Variants in FHIP1A observed in about 807,000 individuals in gnomAD.
FHIP1A encodes the protein FHF complex subunit HOOK interacting protein 1A.
A neutral mutation model predicts 88.6 loss-of-function variants in FHIP1A; 61 were observed. That is an observed-to-expected ratio of 0.69 (90% CI 0.56 to 0.85). The LOEUF (loss-of-function observed/expected upper bound fraction) is 0.85, where lower values mean the gene tolerates loss of function less well. Among genes scored for constraint, FHIP1A ranks in the 40% least tolerant of loss-of-function variants. The probability of loss-of-function intolerance (pLI) is 0.00; values close to 1 mark genes in which losing one functional copy is unlikely to be tolerated. For synonymous variants in FHIP1A, 478 were observed against 496.0 expected (o/e 0.96, Z 0.48); for missense variants, 1,154 against 1,273.5 (o/e 0.91, Z 1.43).
intron 2 of FHIP1A, among the ~76,000 whole-genome samples, chr4:151,461,583 C>G (rs562818758): frequency 1.3e-5 from 2 of 152,052 alleles, no homozygotes; most frequent in Admixed American, 1.3e-4. Flanking sequence ...ATCAAAACAT[C>G]GCTAGGTACC....
rs765714518 is a variant in FHIP1A, at chr4:151,663,072, G to A, written c.*318G>A. The A allele has an allele frequency of 2.4e-5, 5 of 208,872 alleles. No individual in the cohort carries two copies. Among genetic ancestry groups the A allele is most frequent in the East Asian group, 1.2e-4 (1 of 8,508 alleles). 12.9% of individuals were successfully genotyped at this position (208,872 alleles called of 1,614,324 possible). On this transcript the variant is annotated 3_prime_UTR_variant, in exon 14 of 14. Coordinates refer to ENST00000435205, the MANE Select transcript of FHIP1A (RefSeq NM_001109977.3). ...TTACTCTTCTTGCAGCTCAGATCAC[G>A]TCAAGCAGATATTGGGGTTCAGTGA...
At chr4:151,627,795 T>C (rs1163228999) in intron 7 of FHIP1A, among the ~76,000 whole-genome samples, 1 of 152,186 alleles carries the variant, frequency 6.6e-6, no homozygotes, top group East Asian at 1.9e-4. Context: ...GGATAAAGGA[T>C]AATTAAAAGT....
rs906707310 is a variant in FHIP1A at position 151,663,734 on chromosome 4, T to C, written c.*980T>C. 2 of 152,172 alleles carry C rather than the reference T, an allele frequency of 1.3e-5. No homozygotes were observed. The highest frequency in any genetic ancestry group is 4.8e-5 in the African/African-American group (2 of 41,442). 9.4% of individuals were successfully genotyped at this position (152,172 alleles called of 1,614,324 possible). ...AAAAACACTGATCATTATTTAAAATTCTATTCCCTTTTGCTAGTAAGCTGC... is the reference window on the plus strand; with the variant it reads ...AAAAACACTGATCATTATTTAAAATCCTATTCCCTTTTGCTAGTAAGCTGC... On this transcript the variant is annotated 3_prime_UTR_variant, in exon 14 of 14. Coordinates refer to ENST00000435205, the MANE Select transcript of FHIP1A (RefSeq NM_001109977.3).
Position 151,577,863 on chromosome 4 carries a change from T to G in FHIP1A, c.519T>G (p.Leu173=). The G allele has an allele frequency of 6.4e-7, 1 of 1,552,036 alleles. No homozygotes were observed. The highest frequency in any genetic ancestry group is 8.7e-7 in the Non-Finnish European group (1 of 1,147,048). The change falls in exon 5 of 14, where the codon CTT becomes CTG. Residue 173 remains leucine (L), a synonymous_variant. Coordinates refer to ENST00000435205, the MANE Select transcript of FHIP1A (RefSeq NM_001109977.3). ...TACTCAATCAGCTCTGTTCCATTCT[T>G]GCCAAAGATCCATCCATTTTAGAAC... The part of the protein sequence containing the change: ...VVLLNQLCSI[L]AKDPSILELF...
At chr4:151,460,678 T>A (rs1024069132) in intron 2 of FHIP1A, among the ~76,000 whole-genome samples, 4 of 152,248 alleles carry the variant, frequency 2.6e-5, no homozygotes, top group African/African-American at 9.6e-5. Flanking sequence ...TCTAGTCCTG[T>A]CAAGAACAGA....
chr4:151,518,253 C>G (rs1443438697), intron 3 of FHIP1A, among the ~76,000 whole-genome samples: 1 of 152,104 alleles, frequency 6.6e-6, no homozygotes, highest in Admixed American at 6.5e-5. Context: ...GTTACAGTTG[C>G]CTGCAATATT....
At chr4:151,523,743 G>A (rs1400420607) in intron 3 of FHIP1A, among the ~76,000 whole-genome samples, 1 of 152,054 alleles carries the variant, frequency 6.6e-6, no homozygotes. Context: ...ATATGTGTTT[G>A]GTAAGTGTTT....
At chr4:151,478,339 C>T (rs1386106540) in intron 2 of FHIP1A, among the ~76,000 whole-genome samples, 1 of 152,144 alleles carries the variant, frequency 6.6e-6, no homozygotes, top group East Asian at 1.9e-4. Flanking sequence ...TGGCTGAAGA[C>T]ATGCCTAGCC....
intron 2 of FHIP1A, among the ~76,000 whole-genome samples, chr4:151,481,039 A>G (rs556204124): frequency 8.9e-4 from 135 of 152,210 alleles, no homozygotes; most frequent in African/African-American, 3.1e-3. Flanking sequence ...TCATGGCTAT[A>G]TAGAGATTTC....
At chr4:151,635,100 C>A (rs1217212859) in intron 8 of FHIP1A, among the ~76,000 whole-genome samples, 3 of 151,730 alleles carry the variant, frequency 2.0e-5, no homozygotes, top group Non-Finnish European at 4.4e-5. Context: ...TTGAATATTT[C>A]TATGAAGAAG....
chr4:151,563,868 C>G (rs1733274002), intron 3 of FHIP1A, among the ~76,000 whole-genome samples: 1 of 152,038 alleles, frequency 6.6e-6, no homozygotes, highest in Admixed American at 6.6e-5. Context: ...TGGCACATGC[C>G]TGTAGTCCCA....
chr4:151,503,387 A>C (rs142478286), intron 3 of FHIP1A, among the ~76,000 whole-genome samples: 150 of 152,270 alleles, frequency 9.9e-4, no homozygotes, highest in African/African-American at 3.1e-3. Context: ...CCATGTAGGA[A>C]AGAGTTTTGT....
intron 3 of FHIP1A, among the ~76,000 whole-genome samples, chr4:151,512,496 A>C (rs1234724485): frequency 6.6e-6 from 1 of 152,226 alleles, no homozygotes; most frequent in Non-Finnish European, 1.5e-5. Context: ...AGATGATCAA[A>C]CTACTCCGAG....
intron 3 of FHIP1A, among the ~76,000 whole-genome samples, chr4:151,485,850 A>G (rs913733095): frequency 3.3e-5 from 5 of 151,920 alleles, no homozygotes; most frequent in Non-Finnish European, 5.9e-5. Flanking sequence ...TAGCCTCCCA[A>G]AGTGTGGGGA....
intron 8 of FHIP1A, among the ~76,000 whole-genome samples, chr4:151,634,761 A>G (rs990768646): frequency 6.6e-6 from 1 of 151,944 alleles, no homozygotes; most frequent in African/African-American, 2.4e-5. Context: ...CTCAAAATGT[A>G]TCAAAGACCT....
At chr4:151,532,244 C>A (rs1207253682) in intron 3 of FHIP1A, among the ~76,000 whole-genome samples, 1 of 152,072 alleles carries the variant, frequency 6.6e-6, no homozygotes, top group East Asian at 1.9e-4. Flanking sequence ...TTTCATAAAT[C>A]TTTTTCTTGC....
At chr4:151,624,232 G>C (rs991785185) in intron 7 of FHIP1A, among the ~76,000 whole-genome samples, 1 of 152,152 alleles carries the variant, frequency 6.6e-6, no homozygotes, top group Non-Finnish European at 1.5e-5. Flanking sequence ...TTTGTACTTC[G>C]GGGACGGGTA....
chr4:151,486,818 T>C (rs1323953642), intron 3 of FHIP1A, among the ~76,000 whole-genome samples: 1 of 151,714 alleles, frequency 6.6e-6, no homozygotes, highest in Non-Finnish European at 1.5e-5. Flanking sequence ...AATACAAAAA[T>C]TAGCCGGGTG....
At chr4:151,625,963 C>T (rs1451060333) in intron 7 of FHIP1A, among the ~76,000 whole-genome samples, 1 of 152,182 alleles carries the variant, frequency 6.6e-6, no homozygotes, top group African/African-American at 2.4e-5. Context: ...TGGGTGAAAG[C>T]ATGGCGTAGA....
Sources: allele counts gnomAD v4.1 joint callset (sites outside exome capture counted in the v4.1 genomes callset), GRCh38; gene constraint gnomAD v4.1.1; transcripts MANE v1.5; gene names NCBI Gene and HGNC (gene_info 2026-07-23, HGNC 2026-07-21).